GPRASP3: variants seen among roughly 807,000 people sequenced by gnomAD.
The protein encoded by GPRASP3 is G protein-coupled receptor associated sorting protein 3.
At chrX:102,729,128 G>GA in the GPRASP3 span, among the ~76,000 whole-genome samples, 1 of 112,343 alleles carries the variant, frequency 8.9e-6, no homozygotes, top group African/African-American at 3.2e-5. Context: ...TTACTTCCAA[G>GA]AAACCCACCA....
the GPRASP3 span, among the ~76,000 whole-genome samples, chrX:102,745,679 G>T: frequency 9.0e-5 from 10 of 111,297 alleles, no homozygotes; most frequent in Non-Finnish European, 1.9e-4. Flanking sequence ...ACACACCAAG[G>T]GGCGGTTTGG....
chrX:102,750,769 A>G, the GPRASP3 span: 1 of 467,334 alleles, frequency 2.1e-6, no homozygotes, highest in African/African-American at 2.5e-5. Context: ...GAGCTAGACT[A>G]TTTTGGGGGT....
chrX:102,747,066 C>A, the GPRASP3 span, among the ~76,000 whole-genome samples: 10 of 112,049 alleles, frequency 8.9e-5, no homozygotes, highest in African/African-American at 3.2e-4. Flanking sequence ...CAATCTGCTT[C>A]TTCAGTTTAT....
the GPRASP3 span, chrX:102,750,892 A>G: frequency 3.8e-6 from 1 of 266,347 alleles, no homozygotes; most frequent in Admixed American, 6.1e-5. Flanking sequence ...TAAGTAAGCT[A>G]ACTTGTTCAT....
chrX:102,745,771 G>GT, the GPRASP3 span, among the ~76,000 whole-genome samples: 2 of 110,815 alleles, frequency 1.8e-5, no homozygotes, highest in African/African-American at 3.3e-5. Context: ...CCGCCCGCCC[G>GT]TCCCTATATT....
the GPRASP3 span, chrX:102,752,057 T>C: frequency 3.3e-5 from 4 of 121,869 alleles, no homozygotes. Context: ...CATTTCTGCA[T>C]TTGTGCCAGC....
At chrX:102,740,923 G>GGGGTC in the GPRASP3 span, among the ~76,000 whole-genome samples, 1 of 111,204 alleles carries the variant, frequency 9.0e-6, no homozygotes, top group Non-Finnish European at 1.9e-5. Context: ...ACTGCACACG[G>GGGGTC]GGGTCAGATG....
At chrX:102,725,865 A>G in the GPRASP3 span, among the ~76,000 whole-genome samples, 3 of 111,659 alleles carry the variant, frequency 2.7e-5, no homozygotes, top group African/African-American at 3.3e-5. Flanking sequence ...TCTTTATACC[A>G]TGCATCAGAG....
At chrX:102,728,569 CTTTTTTTTT>C in the GPRASP3 span, among the ~76,000 whole-genome samples, 1 of 61,784 alleles carries the variant, frequency 1.6e-5, no homozygotes, top group Non-Finnish European at 2.9e-5. Context: ...ATGTGCACTG[CTTTTTTTTT>C]TTTTTTTTTT....
the GPRASP3 span, chrX:102,749,334 T>C: frequency 8.3e-7 from 1 of 1,211,814 alleles, no homozygotes; most frequent in Non-Finnish European, 1.1e-6. Context: ...GGTTCTGGGC[T>C]GGGGAAGAGG....
chrX:102,749,351 T>C, the GPRASP3 span: 13 of 1,210,348 alleles, frequency 1.1e-5, no homozygotes, highest in East Asian at 3.9e-4. Flanking sequence ...GAGGCCACTA[T>C]CAATTCCTGG....
At chrX:102,750,443 A>G in the GPRASP3 span, 5 of 1,206,711 alleles carry the variant, frequency 4.1e-6, no homozygotes, top group South Asian at 8.9e-5. Flanking sequence ...GACATGATCA[A>G]TATGAAGGCA....
the GPRASP3 span, among the ~76,000 whole-genome samples, chrX:102,726,275 G>A: frequency 8.9e-6 from 1 of 112,226 alleles, no homozygotes; most frequent in Non-Finnish European, 1.9e-5. Flanking sequence ...TTTGAATCTG[G>A]AGCTGATGTG....
At chrX:102,728,604 A>AG in the GPRASP3 span, among the ~76,000 whole-genome samples, 1 of 71,685 alleles carries the variant, frequency 1.4e-5, no homozygotes, top group Non-Finnish European at 2.5e-5. Context: ...TTAAATAGAG[A>AG]GGGGGTCTTG....
At chrX:102,731,448 C>G in the GPRASP3 span, among the ~76,000 whole-genome samples, 2 of 110,771 alleles carry the variant, frequency 1.8e-5, no homozygotes, top group African/African-American at 6.6e-5. Flanking sequence ...ATGGTGAAAC[C>G]CTGTCTCTAC....
chrX:102,740,840 A>G, the GPRASP3 span, among the ~76,000 whole-genome samples: 122 of 110,916 alleles, frequency 1.1e-3, 1 homozygote, highest in Non-Finnish European at 1.5e-3. Context: ...AAAGAAAGAG[A>G]AGAAAAGAGA....
At chrX:102,721,986 C>G in the GPRASP3 span, among the ~76,000 whole-genome samples, 3 of 111,965 alleles carry the variant, frequency 2.7e-5, no homozygotes, top group African/African-American at 6.5e-5. Flanking sequence ...ATACTTCTGG[C>G]ACAGAATGTG....
At chrX:102,750,823 A>G in the GPRASP3 span, 1 of 332,100 alleles carries the variant, frequency 3.0e-6, no homozygotes, top group East Asian at 4.7e-5. Context: ...TTTGATTTTT[A>G]TCTTGTCTAG....
chrX:102,735,318 T>C, the GPRASP3 span, among the ~76,000 whole-genome samples: 7 of 112,305 alleles, frequency 6.2e-5, no homozygotes, highest in African/African-American at 2.3e-4. Context: ...GAAAACTCTG[T>C]TGTGCTTTTA....
Sources: gnomAD v4.1 joint callset for allele counts (sites outside exome capture counted in the v4.1 genomes callset) on GRCh38, gnomAD v4.1.1 for gene constraint, MANE v1.5 for transcripts, NCBI Gene and HGNC (gene_info 2026-07-23, HGNC 2026-07-21) for gene names.